The following DOCK2 variants were observed in gnomAD, a reference collection of about 807,000 sequenced individuals.
The protein encoded by DOCK2 is dedicator of cytokinesis protein 2.
In DOCK2, 87 loss-of-function variants were observed where a neutral mutation model predicts 248.9. That is an observed-to-expected ratio of 0.35 (90% CI 0.29 to 0.42). DOCK2 has a LOEUF of 0.42. Ranked by LOEUF, DOCK2 falls within the 10% of genes least tolerant of loss-of-function variation. The probability of loss-of-function intolerance (pLI) is 1.00; values close to 1 mark genes in which losing one functional copy is unlikely to be tolerated. For missense variants in DOCK2, 1,747 were observed against 2,300.2 expected, an observed-to-expected ratio of 0.76 and a Z score of 4.92; for synonymous variants, 805 against 821.6, an observed-to-expected ratio of 0.98 and a Z score of 0.35.
chr5:169,705,419 G>T (rs554874638), intron 14 of DOCK2, among the ~76,000 whole-genome samples: 21 of 152,264 alleles, frequency 1.4e-4, no homozygotes, highest in Admixed American at 2.6e-4. Flanking sequence ...GATAGGGGAA[G>T]TATGGGATAG....
chr5:169,919,254 T>C (rs1037253771), intron 27 of DOCK2, among the ~76,000 whole-genome samples: 1 of 152,174 alleles, frequency 6.6e-6, no homozygotes, highest in Non-Finnish European at 1.5e-5. Flanking sequence ...ACACCATCGA[T>C]ATGGGGCAGA....
chr5:169,893,629 T>C (rs1773423186), intron 27 of DOCK2, among the ~76,000 whole-genome samples: 1 of 152,176 alleles, frequency 6.6e-6, no homozygotes, highest in Non-Finnish European at 1.5e-5. Flanking sequence ...GCTCTGTGTG[T>C]CAGATGGAAG....
At chr5:169,707,287 G>A (rs1223051173) in intron 14 of DOCK2, among the ~76,000 whole-genome samples, 1 of 152,154 alleles carries the variant, frequency 6.6e-6, no homozygotes, top group East Asian at 1.9e-4. Flanking sequence ...AGGAATAAAT[G>A]TCCCACTTGG....
Position 169,689,402 on chromosome 5 carries a change from G to A in DOCK2, c.843+69G>A, listed in dbSNP as rs143449829. 671 of 1,542,470 alleles carry A rather than the reference G, an allele frequency of 4.4e-4. 6 individuals are homozygous for A. The East Asian group carries it at 0.014, about 33-fold the overall frequency. Reference sequence around the variant, plus strand: ...AAAATGTGACCTTGGAAATGAGGCTGGTCAGGAGCTCAGGGTGAAGTGTGG... The same window carrying A: ...AAAATGTGACCTTGGAAATGAGGCTAGTCAGGAGCTCAGGGTGAAGTGTGG... On this transcript the variant is annotated intron_variant, in intron 9 of 51. Transcript: ENST00000520908.
chr5:169,787,413 C>A (rs1313763756), intron 25 of DOCK2, among the ~76,000 whole-genome samples: 1 of 152,188 alleles, frequency 6.6e-6, no homozygotes, highest in Non-Finnish European at 1.5e-5. Context: ...TAGAAGAAGT[C>A]ATTGACTGTT....
intron 27 of DOCK2, among the ~76,000 whole-genome samples, chr5:169,861,198 G>A (rs1771176422): frequency 6.6e-6 from 1 of 152,118 alleles, no homozygotes; most frequent in African/African-American, 2.4e-5. Context: ...ATATATAGAA[G>A]CAATTATAAT....
chr5:170,013,693 A>C (rs1291347105), intron 32 of DOCK2, among the ~76,000 whole-genome samples: 1 of 152,144 alleles, frequency 6.6e-6, no homozygotes, highest in Non-Finnish European at 1.5e-5. Flanking sequence ...AACCCCTTTT[A>C]GGCTTCTGAT....
chr5:169,657,527 G>T (rs11743081), intron 2 of DOCK2, among the ~76,000 whole-genome samples: 41,398 of 151,984 alleles, frequency 0.27, 5,814 homozygotes, highest in Middle Eastern at 0.35. Context: ...CAAATGAATC[G>T]ATTTATAAAA....
intron 27 of DOCK2, among the ~76,000 whole-genome samples, chr5:169,856,680 G>A (rs537642330): frequency 1.1e-4 from 16 of 152,284 alleles, no homozygotes; most frequent in Middle Eastern, 3.4e-3. Context: ...TCACCCATCC[G>A]TGATTTCTGT....
intron 27 of DOCK2, among the ~76,000 whole-genome samples, chr5:169,974,709 G>A (rs964584865): frequency 9.9e-5 from 15 of 152,168 alleles, no homozygotes; most frequent in Admixed American, 3.3e-4. Context: ...GGAATATACC[G>A]TATTTTCCTG....
Position 169,927,304 on chromosome 5 carries a change from G to C in DOCK2, c.2800-55764G>C, listed in dbSNP as rs377201008. ...TTGTAGGCCACAGTAAGGGGGTTGA[G>C]TTGTAATGCAAGGCAGAGTTCTCAA... On this transcript the variant is annotated intron_variant, in intron 27 of 51. Coordinates refer to ENST00000520908, the MANE Select transcript of DOCK2 (RefSeq NM_004946.3). Among the ~76,000 whole-genome samples the C allele has an allele frequency of 3.0e-4, 46 of 152,304 alleles. 1 individual carries two copies. Among genetic ancestry groups the C allele is most frequent in the South Asian group, 2.1e-3 (10 of 4,824 alleles).
At position 170,071,502 on chromosome 5, in the gene DOCK2, T is replaced by C. The variant is rs137906234; in HGVS notation, c.4728+2282T>C. Among the ~76,000 whole-genome samples, 57 of 152,362 alleles carry C rather than the reference T, an allele frequency of 3.7e-4. 1 individual carries two copies. In the East Asian group the frequency reaches 7.5e-3, roughly 20 times the overall value. Reference sequence around the variant, plus strand: ...TGCAGATTTCAAGATCGATAGCTTGTTAATTTATTTTCTTTCTGAAGACTT... The same window carrying C: ...TGCAGATTTCAAGATCGATAGCTTGCTAATTTATTTTCTTTCTGAAGACTT... On this transcript the variant is annotated intron_variant, in intron 46 of 51. Transcript: ENST00000520908.
At chr5:169,650,651 T>G (rs1429692830) in intron 1 of DOCK2, among the ~76,000 whole-genome samples, 2 of 152,198 alleles carry the variant, frequency 1.3e-5, no homozygotes, top group Non-Finnish European at 2.9e-5. Context: ...AGCAGTCCGG[T>G]GGCTTGCCAA....
At chr5:169,977,094 A>G (rs1777742821) in intron 27 of DOCK2, among the ~76,000 whole-genome samples, 1 of 152,234 alleles carries the variant, frequency 6.6e-6, no homozygotes, top group Non-Finnish European at 1.5e-5. Flanking sequence ...CGATGAAGAC[A>G]GTTATTTTTC....
At chr5:169,982,498 C>G (rs1459940455) in intron 27 of DOCK2, among the ~76,000 whole-genome samples, 7 of 152,146 alleles carry the variant, frequency 4.6e-5, no homozygotes, top group African/African-American at 1.4e-4. Context: ...CTCTTTTTCT[C>G]TCATGATTAA....
At position 170,067,761 on chromosome 5, in the gene DOCK2, G is replaced by A. The variant is rs1757544873; in HGVS notation, c.4644+75G>A. On this transcript the variant is annotated intron_variant, in intron 45 of 51. Coordinates refer to ENST00000520908, the MANE Select transcript of DOCK2 (RefSeq NM_004946.3). ...TGGTGGGAGGACCCAGGGGGCAGATGCAGGTACATGTCACTTATCCTACTT... is the reference window on the plus strand; with the variant it reads ...TGGTGGGAGGACCCAGGGGGCAGATACAGGTACATGTCACTTATCCTACTT... 7.3e-6 allele frequency: 11 copies of A among 1,505,966 alleles called. No individual in the cohort carries two copies. In the South Asian group the frequency reaches 1.3e-4, roughly 18 times the overall value. The allele number at this position is 1,505,966 out of a possible 1,614,324, so 93.3% of individuals were successfully genotyped here.
intron 27 of DOCK2, among the ~76,000 whole-genome samples, chr5:169,973,072 C>G (rs764560578): frequency 6.6e-6 from 1 of 152,190 alleles, no homozygotes; most frequent in Non-Finnish European, 1.5e-5. Flanking sequence ...CACTCCTCTT[C>G]ACTCCTCAAG....
At chr5:169,861,402 G>A (rs912677695) in intron 27 of DOCK2, among the ~76,000 whole-genome samples, 2 of 152,194 alleles carry the variant, frequency 1.3e-5, no homozygotes, top group African/African-American at 2.4e-5. Flanking sequence ...TCTTTAAGAA[G>A]GTGCTCTATA....
chr5:170,072,617 C>G (rs1370122338), intron 46 of DOCK2, among the ~76,000 whole-genome samples: 1 of 152,156 alleles, frequency 6.6e-6, no homozygotes, highest in Non-Finnish European at 1.5e-5. Flanking sequence ...TTCAAAGTGG[C>G]TAAATCAATT....
Sources: allele counts gnomAD v4.1 joint callset (sites outside exome capture counted in the v4.1 genomes callset), GRCh38; gene constraint gnomAD v4.1.1; transcripts MANE v1.5; gene names NCBI Gene and HGNC (gene_info 2026-07-23, HGNC 2026-07-21).